The following PSD3 variants were observed in gnomAD, a reference collection of about 807,000 sequenced individuals.
The protein encoded by PSD3 is pleckstrin and Sec7 domain containing 3.
A neutral mutation model predicts 105.5 loss-of-function variants in PSD3; 49 were observed. The observed-to-expected ratio is 0.46, with a 90% CI of 0.37 to 0.59. The LOEUF (loss-of-function observed/expected upper bound fraction) is 0.59. PSD3 is among the 20% of genes least tolerant of loss of function. The pLI is 0.00. For synonymous variants in PSD3, 557 were observed against 457.8 expected, an observed-to-expected ratio of 1.22 and a Z score of -2.77; for missense variants, 1,561 against 1,263.8, an observed-to-expected ratio of 1.24 and a Z score of -3.57.
chr8:18,801,391 G>A lies in PSD3; in HGVS notation c.1911-9C>T. On this transcript the variant is annotated splice_polypyrimidine_tract_variant and intron_variant, in intron 6 of 15. Coordinates refer to ENST00000327040, the MANE Select transcript of PSD3 (RefSeq NM_015310.4). Reference sequence around the variant, plus strand: ...ATGCTTTAAAGAAATACCTACAAGAGAATTAAAAATTTAAACAGTGAAATT... The same window carrying A: ...ATGCTTTAAAGAAATACCTACAAGAAAATTAAAAATTTAAACAGTGAAATT... 6.5e-7 allele frequency: 1 copy of A among 1,530,812 alleles called. No individual in the cohort carries two copies. Among genetic ancestry groups the A allele is most frequent in the Admixed American group, 1.8e-5 (1 of 54,264 alleles). The allele number at this position is 1,530,812 out of a possible 1,614,324, so 94.8% of individuals were successfully genotyped here. A position where few individuals can be genotyped will look rare whatever the true frequency, so the allele number is the denominator to read the frequency against.
chr8:18,819,918 G>T (rs1812552085), intron 4 of PSD3, among the ~76,000 whole-genome samples: 1 of 152,196 alleles, frequency 6.6e-6, no homozygotes, highest in African/African-American at 2.4e-5. Flanking sequence ...AACCCTGGCA[G>T]CCAGGTGGCT....
chr8:18,911,536 G>A (rs1820221799), intron 2 of PSD3, among the ~76,000 whole-genome samples: 1 of 152,146 alleles, frequency 6.6e-6, no homozygotes, highest in Non-Finnish European at 1.5e-5. Context: ...AAATGGGGGT[G>A]AGGGGAGAAA....
At chr8:18,558,294 A>G (rs1483820630) in intron 14 of PSD3, among the ~76,000 whole-genome samples, 1 of 152,184 alleles carries the variant, frequency 6.6e-6, no homozygotes, top group African/African-American at 2.4e-5. Flanking sequence ...GACAAATGAT[A>G]TTTAGTGACT....
At chr8:19,018,514 A>C (rs1465526377), upstream of PSD3, among the ~76,000 whole-genome samples, 1 of 152,204 alleles carries the variant, frequency 6.6e-6, no homozygotes, top group Non-Finnish European at 1.5e-5. Context: ...AAAACATATA[A>C]TTTTGAATCA....
At chr8:18,784,952 A>G (rs957057277) in intron 8 of PSD3, among the ~76,000 whole-genome samples, 1 of 152,128 alleles carries the variant, frequency 6.6e-6, no homozygotes, top group African/African-American at 2.4e-5. Flanking sequence ...TGTGTGCGGA[A>G]GGAGGGGAGG....
At chr8:18,657,235 A>G (rs532997437) in intron 9 of PSD3, among the ~76,000 whole-genome samples, 5 of 152,146 alleles carry the variant, frequency 3.3e-5, no homozygotes, top group African/African-American at 1.2e-4. Flanking sequence ...AAGTGTTTAC[A>G]TGTGTGTAAG....
In PSD3 at chr8:18,532,024, A is replaced by G. The variant is rs1451574806; in HGVS notation, c.*3719T>C. 1 of 152,262 alleles carries G rather than the reference A, an allele frequency of 6.6e-6. No individual in the cohort carries two copies. The highest frequency in any genetic ancestry group is 1.5e-5 in the Non-Finnish European group (1 of 68,048). 9.4% of individuals were successfully genotyped at this position (152,262 alleles called of 1,614,324 possible). The stretch of plus-strand genomic sequence containing the variant: ...AAAAATGCCAAAGGAACTCAATTTC[A>G]AGGACAATTAATGAAACCCAAAAGG... On this transcript the variant is annotated 3_prime_UTR_variant, in exon 16 of 16. Transcript: ENST00000327040.
At chr8:19,041,420 A>G (rs995670725) in intron 1 of PSD3, among the ~76,000 whole-genome samples, 7 of 152,204 alleles carry the variant, frequency 4.6e-5, no homozygotes, top group Admixed American at 4.6e-4. Flanking sequence ...CTCAAGGTAA[A>G]GGGATGCACT....
chr8:18,607,076 G>A (rs1057478290), intron 11 of PSD3, among the ~76,000 whole-genome samples: 1 of 152,184 alleles, frequency 6.6e-6, no homozygotes. Flanking sequence ...ATTCTTTGCA[G>A]TGGTCGGTCT....
chr8:18,536,254 TCAGG>T (rs1044209671), intron 15 of PSD3, among the ~76,000 whole-genome samples: 2 of 152,194 alleles, frequency 1.3e-5, no homozygotes, highest in African/African-American at 4.8e-5. Context: ...TCTAGAACAC[TCAGG>T]CATGAGAAGG....
chr8:18,557,848 G>A (rs1262323564), intron 14 of PSD3, among the ~76,000 whole-genome samples: 10 of 152,176 alleles, frequency 6.6e-5, no homozygotes, highest in African/African-American at 2.4e-4. Flanking sequence ...TTTCAGGCAA[G>A]GAGACTATCA....
chr8:18,922,616 T>G (rs937711661), intron 2 of PSD3, among the ~76,000 whole-genome samples: 1 of 152,114 alleles, frequency 6.6e-6, no homozygotes, highest in Non-Finnish European at 1.5e-5. Flanking sequence ...CGAGACAGTA[T>G]TAGATCCCAC....
chr8:18,740,592 C>T (rs78767652), intron 9 of PSD3, among the ~76,000 whole-genome samples: 1 of 152,266 alleles, frequency 6.6e-6, no homozygotes, highest in African/African-American at 2.4e-5. Context: ...CCCTCGGTTT[C>T]ATTACCTAAT....
chr8:18,763,136 C>G, intron 9 of PSD3: 1 of 439,120 alleles, frequency 2.3e-6, no homozygotes, highest in East Asian at 7.1e-5. Flanking sequence ...TCTGAACAGA[C>G]ATAAATCCAA....
At chr8:19,058,066 A>T (rs1828769867) in intron 1 of PSD3, among the ~76,000 whole-genome samples, 1 of 152,220 alleles carries the variant, frequency 6.6e-6, no homozygotes, top group African/African-American at 2.4e-5. Flanking sequence ...ATGAGTAAAC[A>T]AACTAAGGGT....
intron 4 of PSD3, among the ~76,000 whole-genome samples, chr8:18,814,676 C>T (rs1482300712): frequency 6.6e-6 from 1 of 152,142 alleles, no homozygotes; most frequent in African/African-American, 2.4e-5. Context: ...TAGATGCAAA[C>T]AAATGTATAT....
At chr8:18,774,968 G>C (rs1291104760) in intron 8 of PSD3, 1 of 456,128 alleles carries the variant, frequency 2.2e-6, no homozygotes, top group South Asian at 1.5e-5. Flanking sequence ...AAAGAGAAAA[G>C]TGCCCATTAA....
chr8:18,970,310 G>A lies in PSD3; in HGVS notation c.22-34168C>T, dbSNP rs375584173. ...ACTGCACTCCAGCCTGGGCGACAGA[G>A]CAAGACTCTGCCTCAAAAAAAAAAA... On this transcript the variant is annotated intron_variant, in intron 1 of 15. Transcript: ENST00000327040. Among the ~76,000 whole-genome samples, 6 of 93,894 alleles carry A rather than the reference G, an allele frequency of 6.4e-5. No homozygotes were observed. The Admixed American group carries it at 7.8e-4, about 12-fold the overall frequency. The allele number at this position is 93,894 out of a possible 152,430, so 61.6% of individuals were successfully genotyped here. A position where few individuals can be genotyped will look rare whatever the true frequency, so the allele number is the denominator to read the frequency against.
chr8:18,639,955 C>A (rs1051456520), intron 10 of PSD3, among the ~76,000 whole-genome samples: 2 of 152,114 alleles, frequency 1.3e-5, no homozygotes. Context: ...AGATCTCAGC[C>A]TCCTCATATG....
Sources: allele counts gnomAD v4.1 joint callset (sites outside exome capture counted in the v4.1 genomes callset), GRCh38; gene constraint gnomAD v4.1.1; transcripts MANE v1.5; gene names NCBI Gene and HGNC (gene_info 2026-07-23, HGNC 2026-07-21).